The following RALYL variants were observed in gnomAD, a reference collection of about 807,000 sequenced individuals.
The protein encoded by RALYL is RALY RNA binding protein like, also known as RNA-binding Raly-like protein.
Under a neutral mutation model 35.1 loss-of-function variants are expected in RALYL, and 29 were observed. The observed-to-expected ratio is 0.83, with a 90% CI of 0.61 to 1.13. The LOEUF (loss-of-function observed/expected upper bound fraction) is 1.13. Ranked by LOEUF, RALYL falls within the 50% of genes most tolerant of loss-of-function variation. The probability of loss-of-function intolerance (pLI) is 0.00; values close to 1 mark genes in which losing one functional copy is unlikely to be tolerated. For missense variants in RALYL, 359 were observed against 360.4 expected, an observed-to-expected ratio of 1.00 and a Z score of 0.03; for synonymous variants, 120 against 127.6, an observed-to-expected ratio of 0.94 and a Z score of 0.40.
intron 2 of RALYL, among the ~76,000 whole-genome samples, chr8:84,722,141 A>G (rs2132653070): frequency 6.6e-6 from 1 of 152,268 alleles, no homozygotes; most frequent in African/African-American, 2.4e-5. Flanking sequence ...GAATGTAAGA[A>G]TTGAAAAAAA....
intron 5 of RALYL, among the ~76,000 whole-genome samples, chr8:84,858,750 T>C (rs141866623): frequency 8.5e-5 from 13 of 152,322 alleles, no homozygotes; most frequent in African/African-American, 2.4e-4. Context: ...CTTCCCTCTA[T>C]ATTTTGAAGA....
At chr8:84,736,622 A>G (rs879404137) in intron 2 of RALYL, among the ~76,000 whole-genome samples, 14 of 152,102 alleles carry the variant, frequency 9.2e-5, no homozygotes, top group Admixed American at 6.6e-4. Context: ...TTCGATGTCC[A>G]TTGAACTATA....
intron 2 of RALYL, among the ~76,000 whole-genome samples, chr8:84,640,429 G>T (rs570241208): frequency 6.6e-6 from 1 of 151,920 alleles, no homozygotes; most frequent in Non-Finnish European, 1.5e-5. Context: ...TGATGAAAAA[G>T]TACTTGAATT....
chr8:84,215,804 G>A (rs752881890), intron 1 of RALYL, among the ~76,000 whole-genome samples: 2 of 152,068 alleles, frequency 1.3e-5, no homozygotes, highest in Non-Finnish European at 2.9e-5. Context: ...CACAGAAAGA[G>A]GATCTTTAAA....
At chr8:84,846,290 A>G (rs910456131) in intron 4 of RALYL, among the ~76,000 whole-genome samples, 5 of 151,996 alleles carry the variant, frequency 3.3e-5, no homozygotes, top group African/African-American at 1.2e-4. Context: ...GTGTTTTTCT[A>G]TATTTTATGT....
chr8:84,363,560 A>G (rs147602376), intron 1 of RALYL, among the ~76,000 whole-genome samples: 15 of 152,338 alleles, frequency 9.8e-5, no homozygotes, highest in African/African-American at 3.4e-4. Context: ...TAGCTTAGCT[A>G]TGTTGACACT....
intron 1 of RALYL, among the ~76,000 whole-genome samples, chr8:84,219,452 A>C (rs1821639000): frequency 6.6e-6 from 1 of 152,102 alleles, no homozygotes; most frequent in Admixed American, 6.6e-5. Flanking sequence ...AGTCTTGAGC[A>C]GTTCATTATA....
chr8:84,415,212 T>G (rs1340414335), intron 1 of RALYL, among the ~76,000 whole-genome samples: 2 of 151,252 alleles, frequency 1.3e-5, no homozygotes, highest in Non-Finnish European at 1.5e-5. Flanking sequence ...CTCGTTTTTT[T>G]TTTTTTGTTT....
chr8:84,643,155 A>T (rs891122621), intron 2 of RALYL, among the ~76,000 whole-genome samples: 15 of 151,914 alleles, frequency 9.9e-5, no homozygotes, highest in African/African-American at 3.6e-4. Context: ...GGCTGGGTAG[A>T]TTCCCAAATG....
intron 1 of RALYL, among the ~76,000 whole-genome samples, chr8:84,487,626 C>T (rs1220632215): frequency 1.3e-5 from 2 of 152,036 alleles, no homozygotes; most frequent in African/African-American, 2.4e-5. Flanking sequence ...TGGCCATGCT[C>T]ATTCTTTTAC....
intron 2 of RALYL, among the ~76,000 whole-genome samples, chr8:84,658,362 G>T (rs1830323252): frequency 6.6e-6 from 1 of 152,162 alleles, no homozygotes; most frequent in South Asian, 2.1e-4. Flanking sequence ...GCTGCAGGCT[G>T]CAACCTTTAT....
chr8:84,819,288 C>A (rs1457128349), intron 4 of RALYL, among the ~76,000 whole-genome samples: 1 of 152,186 alleles, frequency 6.6e-6, no homozygotes, highest in Non-Finnish European at 1.5e-5. Flanking sequence ...AGCAGTTGTG[C>A]TTTCAGGCCT....
At chr8:84,226,410 T>C (rs1823883286) in intron 1 of RALYL, among the ~76,000 whole-genome samples, 1 of 152,140 alleles carries the variant, frequency 6.6e-6, no homozygotes, top group African/African-American at 2.4e-5. Flanking sequence ...TGTTTTTGTT[T>C]TGTTTTGTTT....
chr8:84,617,965 C>A (rs1453860782), intron 2 of RALYL, among the ~76,000 whole-genome samples: 1 of 151,692 alleles, frequency 6.6e-6, no homozygotes. Context: ...GGTGGATAAG[C>A]CTTTTGATGT....
chr8:84,578,454 C>T (rs911393506), intron 2 of RALYL, among the ~76,000 whole-genome samples: 11 of 152,196 alleles, frequency 7.2e-5, no homozygotes, highest in African/African-American at 2.7e-4. Context: ...TGTTTCAGCC[C>T]TGTTTGTGTT....
chr8:84,424,838 G>C (rs1002055228), intron 1 of RALYL, among the ~76,000 whole-genome samples: 1 of 151,998 alleles, frequency 6.6e-6, no homozygotes, highest in Non-Finnish European at 1.5e-5. Flanking sequence ...CCCTGCTGGG[G>C]GGTGCCTCCC....
chr8:84,281,744 G>A (rs1836611948), intron 1 of RALYL, among the ~76,000 whole-genome samples: 1 of 146,352 alleles, frequency 6.8e-6, no homozygotes, highest in African/African-American at 2.4e-5. Context: ...TAATCTCCAA[G>A]TGTATGTGTG....
intron 3 of RALYL, among the ~76,000 whole-genome samples, chr8:84,779,471 T>A (rs1817597553): frequency 6.6e-6 from 1 of 152,178 alleles, no homozygotes; most frequent in Non-Finnish European, 1.5e-5. Context: ...TATAGTTTCA[T>A]CCCATTGATT....
chr8:84,529,558 C>T lies in RALYL; in HGVS notation c.237C>T (p.Val79=). ...RAAVAGENAR[V]IAGQPLDINM... ...CAGTGGCTGGAGAAAATGCCAGAGT[C>T]ATCGCCGGCCAACCACTTGGTAAGT... is the stretch of plus-strand genomic sequence containing the variant. The change falls in exon 2 of 9, where the codon GTC becomes GTT. Residue 79 remains valine, a synonymous_variant. Transcript: ENST00000521268. 1 of 1,607,618 alleles carries T rather than the reference C, an allele frequency of 6.2e-7. No individual in the cohort carries two copies. Among genetic ancestry groups the T allele is most frequent in the Non-Finnish European group, 8.5e-7 (1 of 1,174,486 alleles).
Sources: allele counts gnomAD v4.1 joint callset (sites outside exome capture counted in the v4.1 genomes callset), GRCh38; gene constraint gnomAD v4.1.1; transcripts MANE v1.5; gene names NCBI Gene and HGNC (gene_info 2026-07-23, HGNC 2026-07-21).